CTDP1: variants seen among roughly 807,000 people sequenced by gnomAD.
CTDP1 encodes RNA polymerase II subunit A C-terminal domain phosphatase.
A neutral mutation model predicts 91.8 loss-of-function variants in CTDP1; 47 were observed. That is an observed-to-expected ratio of 0.51 (90% CI 0.41 to 0.65). CTDP1 has a LOEUF of 0.65. CTDP1 is among the 30% of genes least tolerant of loss of function. CTDP1 has a pLI of 0.00. For synonymous variants in CTDP1, 656 were observed against 598.5 expected (o/e 1.10, Z -1.40); for missense variants, 1,272 against 1,373.7 (o/e 0.93, Z 1.17).
intron 11 of CTDP1, among the ~76,000 whole-genome samples, chr18:79,734,252 G>T (rs1030442358): frequency 6.6e-6 from 1 of 152,212 alleles, no homozygotes; most frequent in East Asian, 1.9e-4. Flanking sequence ...TCATCTGGAC[G>T]TGACCCCATC....
intron 10 of CTDP1, among the ~76,000 whole-genome samples, chr18:79,718,434 C>G (rs2086267387): frequency 6.6e-6 from 1 of 152,220 alleles, no homozygotes; most frequent in Non-Finnish European, 1.5e-5. Context: ...AGGCTGCCCT[C>G]TTCGTTTCCA....
At chr18:79,688,553 C>T (rs912884962) in intron 1 of CTDP1, among the ~76,000 whole-genome samples, 1 of 151,942 alleles carries the variant, frequency 6.6e-6, no homozygotes, top group African/African-American at 2.4e-5. Context: ...GCGTGAGCCA[C>T]CGCGCCCAAC....
downstream of CTDP1, chr18:79,756,104 C>T (rs1448194346): frequency 2.0e-5 from 3 of 152,584 alleles, no homozygotes; most frequent in Non-Finnish European, 2.9e-5. Flanking sequence ...CACCCCCAGC[C>T]GCATCTCTGC....
intron 5 of CTDP1, among the ~76,000 whole-genome samples, chr18:79,707,936 C>T (rs901579399): frequency 1.3e-5 from 2 of 152,240 alleles, no homozygotes; most frequent in Non-Finnish European, 2.9e-5. Context: ...CGATGCGTGT[C>T]TTTTATCTGA....
chr18:79,699,258 G>T (rs1391026566), intron 4 of CTDP1, among the ~76,000 whole-genome samples: 1 of 152,080 alleles, frequency 6.6e-6, no homozygotes, highest in Middle Eastern at 3.4e-3. Flanking sequence ...ACTCACTAAG[G>T]TTTTTTGTTT....
At chr18:79,711,563 C>G (rs980937003) in intron 6 of CTDP1, among the ~76,000 whole-genome samples, 4 of 152,196 alleles carry the variant, frequency 2.6e-5, no homozygotes, top group African/African-American at 9.7e-5. Flanking sequence ...ACAAGCTCAG[C>G]AGCTCTGCGG....
chr18:79,681,464 AG>A, intron 1 of CTDP1: 1 of 985,360 alleles, frequency 1.0e-6, no homozygotes, highest in South Asian at 4.7e-5. Context: ...ATCCCTACTG[AG>A]GTTTCATTCT....
At chr18:79,722,101 C>T (rs979468450) in intron 10 of CTDP1, among the ~76,000 whole-genome samples, 1 of 152,170 alleles carries the variant, frequency 6.6e-6, no homozygotes, top group African/African-American at 2.4e-5. Context: ...AGATACAAAA[C>T]TGGTGTTTTA....
rs113661021 is a variant in CTDP1 at position 79,694,607 on chromosome 18, G to A, written c.315-618G>A. On this transcript the variant is annotated intron_variant, in intron 1 of 12. Transcript: ENST00000613122. ...CTCATGTTCGCAGGGTGGGGCGGTC[G>A]GAGCAGCCCGGCTGGGGTGGGAGTG... 1.1e-3 allele frequency among the ~76,000 whole-genome samples: 170 copies of A among 150,538 alleles called. 2 individuals are homozygous for A. The highest frequency in any genetic ancestry group is 2.9e-3 in the African/African-American group (118 of 40,794).
intron 12 of CTDP1, among the ~76,000 whole-genome samples, chr18:79,747,382 C>T (rs960894402): frequency 6.6e-6 from 1 of 152,216 alleles, no homozygotes; most frequent in African/African-American, 2.4e-5. Flanking sequence ...CGCTGGGGCC[C>T]TGCGGGAACT....
At chr18:79,726,428 T>C (rs573922668) in intron 10 of CTDP1, among the ~76,000 whole-genome samples, 5 of 152,344 alleles carry the variant, frequency 3.3e-5, no homozygotes, top group African/African-American at 1.2e-4. Context: ...TATAAAATCA[T>C]TGTGAATTTT....
chr18:79,705,045 C>A, intron 5 of CTDP1, 128 bp downstream of exon 5: 1 of 1,433,300 alleles, frequency 7.0e-7, no homozygotes, highest in Non-Finnish European at 9.5e-7. Context: ...TTAGGGTTGG[C>A]CGTTGTGCAG....
chr18:79,699,657 A>G (rs1188875057), intron 4 of CTDP1, among the ~76,000 whole-genome samples: 1 of 152,110 alleles, frequency 6.6e-6, no homozygotes, highest in African/African-American at 2.4e-5. Flanking sequence ...ATATACCTTC[A>G]TGAGTTGCTG....
chr18:79,743,490 C>T (rs1216696136), intron 12 of CTDP1, among the ~76,000 whole-genome samples: 1 of 145,818 alleles, frequency 6.9e-6, no homozygotes, highest in African/African-American at 2.5e-5. Flanking sequence ...CGTGCCACTA[C>T]ACTCCACCCT....
At chr18:79,728,033 C>G (rs1406432459) in intron 10 of CTDP1, among the ~76,000 whole-genome samples, 1 of 152,120 alleles carries the variant, frequency 6.6e-6, no homozygotes, top group Non-Finnish European at 1.5e-5. Context: ...GAAGATTGGC[C>G]CTTTCTAGTT....
rs367775150 is a variant in CTDP1 at position 79,717,804 on chromosome 18, C to T, written c.2211-6C>T. ...GCTCATGGCCCTCGTTCTCTTCCTC[C>T]GACAGGGAGAACAGCCCTGCGGCCT... On this transcript the variant is annotated splice_polypyrimidine_tract_variant and splice_region_variant and intron_variant, in intron 9 of 12. Transcript: ENST00000613122. 24 of 1,613,676 alleles carry T rather than the reference C, an allele frequency of 1.5e-5. No individual in the cohort carries two copies. The highest frequency in any genetic ancestry group is 3.3e-5 in the Admixed American group (2 of 60,010).
At chr18:79,721,269 A>AATT (rs2086339803) in intron 10 of CTDP1, among the ~76,000 whole-genome samples, 1 of 152,062 alleles carries the variant, frequency 6.6e-6, no homozygotes, top group Admixed American at 6.5e-5. Context: ...TATTTGACTT[A>AATT]ATTAATTCCA....
chr18:79,679,914 C>T lies in CTDP1; in HGVS notation c.-34C>T, dbSNP rs182655138. ...GCTGCGCTCTGAGCGCAGCGCAGGC[C>T]CCGTACCGACCGCCCGCCCGCCCTC... is the stretch of plus-strand genomic sequence containing the variant. On this transcript the variant is annotated 5_prime_UTR_variant, in exon 1 of 13. Coordinates refer to ENST00000613122, the MANE Select transcript of CTDP1 (RefSeq NM_004715.5). The T allele has an allele frequency of 2.5e-3, 3,485 of 1,380,004 alleles. 76 individuals are homozygous for T. The African/African-American group carries it at 0.045, about 18-fold the overall frequency. The allele number at this position is 1,380,004 out of a possible 1,614,324, so 85.5% of individuals were successfully genotyped here.
At chr18:79,731,888 C>T (rs1009371047) in intron 11 of CTDP1, among the ~76,000 whole-genome samples, 15 of 152,130 alleles carry the variant, frequency 9.9e-5, no homozygotes, top group African/African-American at 3.4e-4. Flanking sequence ...AACTCACTAA[C>T]ATCAGGAGTG....
Sources: allele counts gnomAD v4.1 joint callset (sites outside exome capture counted in the v4.1 genomes callset), GRCh38; gene constraint gnomAD v4.1.1; transcripts MANE v1.5; gene names NCBI Gene and HGNC (gene_info 2026-07-23, HGNC 2026-07-21).